The following C8orf34 variants were observed in gnomAD, a reference collection of about 807,000 sequenced individuals.
C8orf34 encodes chromosome 8 open reading frame 34.
Under a neutral mutation model 68.3 loss-of-function variants are expected in C8orf34, and 65 were observed. The ratio of observed to expected loss-of-function variants is 0.95; its 90% confidence interval spans 0.78 to 1.17. The LOEUF (loss-of-function observed/expected upper bound fraction) is 1.17. C8orf34 is among the 50% of genes most tolerant of loss of function. The pLI, the probability that C8orf34 is intolerant of heterozygous loss-of-function variation, is 0.00. For missense variants in C8orf34, 664 were observed against 655.4 expected (o/e 1.01, Z -0.14); for synonymous variants, 244 against 241.2 (o/e 1.01, Z -0.11).
chr8:68,721,593 G>A (rs1341128723), intron 10 of C8orf34, among the ~76,000 whole-genome samples, 156 bp downstream of exon 10: 1 of 151,920 alleles, frequency 6.6e-6, no homozygotes, highest in African/African-American at 2.4e-5. Flanking sequence ...ACTTGAACTA[G>A]ATGGGAAAAG....
intron 7 of C8orf34, among the ~76,000 whole-genome samples, chr8:68,608,688 T>C (rs1050059061): frequency 6.6e-6 from 1 of 151,944 alleles, no homozygotes; most frequent in Non-Finnish European, 1.5e-5. Context: ...GGTCTGGGTA[T>C]GACATGGTCA....
chr8:68,496,620 C>T (rs1326003277), intron 5 of C8orf34, among the ~76,000 whole-genome samples: 1 of 152,178 alleles, frequency 6.6e-6, no homozygotes, highest in Non-Finnish European at 1.5e-5. Context: ...ACTAAGTACA[C>T]CCATGGAAGG....
At chr8:68,638,580 A>G (rs1818914292) in intron 7 of C8orf34, among the ~76,000 whole-genome samples, 1 of 151,824 alleles carries the variant, frequency 6.6e-6, no homozygotes, top group African/African-American at 2.4e-5. Context: ...TCTATGTTTG[A>G]TGGAGGTTCT....
intron 12 of C8orf34, 74 bp from the exon 13 acceptor site, chr8:68,815,812 A>C: frequency 1.2e-6 from 2 of 1,611,794 alleles, no homozygotes; most frequent in Admixed American, 1.7e-5. Context: ...AATTGGCTAA[A>C]GCGCTAGGGA....
intron 1 of C8orf34, among the ~76,000 whole-genome samples, chr8:68,384,246 C>T (rs915852540): frequency 2.0e-5 from 3 of 152,136 alleles, no homozygotes; most frequent in African/African-American, 4.8e-5. Flanking sequence ...TAGGTTCCTT[C>T]GAGAGTAAAA....
intron 1 of C8orf34, among the ~76,000 whole-genome samples, chr8:68,338,076 T>A (rs1220235797): frequency 2.6e-5 from 4 of 152,180 alleles, no homozygotes; most frequent in Admixed American, 2.6e-4. Flanking sequence ...ACAATGCCTT[T>A]ATTTCTCACA....
At chr8:68,466,009 C>A (rs144611411) in intron 3 of C8orf34, among the ~76,000 whole-genome samples, 1 of 142,878 alleles carries the variant, frequency 7.0e-6, no homozygotes, top group East Asian at 2.1e-4. Context: ...AAATTTGGTG[C>A]GTATACACAA....
chr8:68,783,227 C>T lies in C8orf34; in HGVS notation c.1456-4216C>T, dbSNP rs1301705406. ...ACCTGCCTCCCACTCTGTTCAAAGC[C>T]ATGCTGCTGCTCACTGAAATAGAGG... On this transcript the variant is annotated intron_variant, in intron 11 of 13. Transcript: ENST00000518698. 1.1e-4 allele frequency among the ~76,000 whole-genome samples: 16 copies of T among 152,134 alleles called. 1 individual carries two copies. The highest frequency in any genetic ancestry group is 1.0e-3 in the Admixed American group (16 of 15,284).
chr8:68,744,025 A>G (rs1289289014), intron 10 of C8orf34, among the ~76,000 whole-genome samples: 1 of 152,148 alleles, frequency 6.6e-6, no homozygotes, highest in East Asian at 1.9e-4. Context: ...CCCAGCATGC[A>G]GCTGGAGATC....
chr8:68,703,379 A>C (rs1036284826), intron 8 of C8orf34, among the ~76,000 whole-genome samples: 4 of 152,126 alleles, frequency 2.6e-5, no homozygotes, highest in Non-Finnish European at 5.9e-5. Flanking sequence ...TTTTAAATTC[A>C]ATCACATTTA....
chr8:68,788,399 G>T (rs952143932), intron 12 of C8orf34, among the ~76,000 whole-genome samples: 5 of 152,164 alleles, frequency 3.3e-5, no homozygotes, highest in African/African-American at 1.2e-4. Context: ...CTTCCATACT[G>T]TGGGTTTATG....
At chr8:68,621,807 T>C (rs1368600603) in intron 7 of C8orf34, among the ~76,000 whole-genome samples, 1 of 152,192 alleles carries the variant, frequency 6.6e-6, no homozygotes, top group Non-Finnish European at 1.5e-5. Context: ...TCTAAGTAAT[T>C]TGGGGAAAAG....
chr8:68,518,010 A>G (rs1307457745), intron 5 of C8orf34, among the ~76,000 whole-genome samples: 2 of 152,118 alleles, frequency 1.3e-5, no homozygotes, highest in Non-Finnish European at 2.9e-5. Context: ...TTCTTACTCA[A>G]TTTGTCCATT....
At chr8:68,446,769 A>T (rs1811142837) in intron 3 of C8orf34, 1 of 354,598 alleles carries the variant, frequency 2.8e-6, no homozygotes, top group Admixed American at 4.6e-5. Flanking sequence ...TCATATTGAA[A>T]GCAGTAGCTA....
At chr8:68,372,652 G>T (rs1053526651) in intron 1 of C8orf34, among the ~76,000 whole-genome samples, 3 of 152,178 alleles carry the variant, frequency 2.0e-5, no homozygotes, top group Admixed American at 6.5e-5. Flanking sequence ...TGCAGAATGT[G>T]CAGGTTTGTT....
chr8:68,758,679 G>A (rs1822939239), intron 10 of C8orf34, among the ~76,000 whole-genome samples: 1 of 151,972 alleles, frequency 6.6e-6, no homozygotes, highest in Non-Finnish European at 1.5e-5. Flanking sequence ...GGAACCTGGG[G>A]GCTTTGCAGA....
At chr8:68,435,655 CT>C (rs1447684180) in intron 1 of C8orf34, among the ~76,000 whole-genome samples, 1 of 152,222 alleles carries the variant, frequency 6.6e-6, no homozygotes, top group Non-Finnish European at 1.5e-5. Flanking sequence ...GTGCTTCACT[CT>C]GCTTTCTGAA....
intron 3 of C8orf34, among the ~76,000 whole-genome samples, chr8:68,458,665 C>T (rs1262760347): frequency 2.0e-5 from 3 of 152,210 alleles, no homozygotes; most frequent in Non-Finnish European, 4.4e-5. Flanking sequence ...CTGAACTTCT[C>T]TCTCTTAAAC....
chr8:68,332,020 A>G (rs1805632750), intron 1 of C8orf34, among the ~76,000 whole-genome samples: 1 of 151,200 alleles, frequency 6.6e-6, no homozygotes, highest in Non-Finnish European at 1.5e-5. Flanking sequence ...AGCAGGAGAA[A>G]GGGACGGAGA....
Sources: gnomAD v4.1 joint callset for allele counts (sites outside exome capture counted in the v4.1 genomes callset) on GRCh38, gnomAD v4.1.1 for gene constraint, MANE v1.5 for transcripts, NCBI Gene and HGNC (gene_info 2026-07-23, HGNC 2026-07-21) for gene names.